Variants in TRIM5 observed in about 807,000 individuals in gnomAD.
TRIM5 encodes the protein tripartite motif containing 5.
TRIM5 carries 31 observed loss-of-function variants against 35.6 expected under a neutral mutation model. The ratio of observed to expected loss-of-function variants is 0.87; its 90% CI spans 0.65 to 1.18. TRIM5 has a LOEUF of 1.18. Ranked by LOEUF, TRIM5 falls within the 50% of genes most tolerant of loss-of-function variation. The probability of loss-of-function intolerance (pLI) is 0.00; values close to 1 mark genes in which losing one functional copy is unlikely to be tolerated. For missense variants in TRIM5, 609 were observed against 591.6 expected (o/e 1.03, Z -0.31); for synonymous variants, 243 against 215.6 (o/e 1.13, Z -1.11).
At chr11:5,610,851 G>C in the TRIM5 span, 9 of 1,614,080 alleles carry the variant, frequency 5.6e-6, no homozygotes, top group Middle Eastern at 1.6e-4. Flanking sequence ...AGTGAGGTTT[G>C]TGGGAGCTAA....
At chr11:5,654,946 T>C in the TRIM5 span, among the ~76,000 whole-genome samples, 1 of 152,120 alleles carries the variant, frequency 6.6e-6, no homozygotes, top group Non-Finnish European at 1.5e-5. Context: ...ATCCCAGCAC[T>C]TTGGAAGGCT....
At chr11:5,680,995 G>C (rs1852396103) in intron 1 of TRIM5, among the ~76,000 whole-genome samples, 1 of 152,210 alleles carries the variant, frequency 6.6e-6, no homozygotes, top group Non-Finnish European at 1.5e-5. Flanking sequence ...AGCAATTGGG[G>C]TGTGGAAGTA....
At chr11:5,679,683 T>G (rs550297313) in intron 2 of TRIM5, 78 bp downstream of exon 2, 1 of 1,439,746 alleles carries the variant, frequency 6.9e-7, no homozygotes, top group African/African-American at 1.4e-5. Flanking sequence ...GACAAGGCAG[T>G]TAATGTCAAA....
the TRIM5 span, chr11:5,610,432 T>C: frequency 1.2e-6 from 2 of 1,603,526 alleles, no homozygotes; most frequent in Non-Finnish European, 1.7e-6. Context: ...GGTGACATCC[T>C]CACAGGATTC....
the TRIM5 span, chr11:5,588,875 C>G: frequency 1.3e-5 from 2 of 151,700 alleles, no homozygotes; most frequent in African/African-American, 4.8e-5. Flanking sequence ...CCTCCACCTC[C>G]TGGGTTCAAG....
At chr11:5,660,400 TTG>T (rs1351919741), downstream of TRIM5, among the ~76,000 whole-genome samples, 2 of 152,182 alleles carry the variant, frequency 1.3e-5, no homozygotes, top group African/African-American at 4.8e-5. Flanking sequence ...CCCAATACTG[TTG>T]TCTTTTTCTA....
the TRIM5 span, chr11:5,642,432 CAA>C: frequency 6.2e-7 from 1 of 1,613,298 alleles, no homozygotes; most frequent in Non-Finnish European, 8.5e-7. Flanking sequence ...CTGAAAAAGC[CAA>C]AAATGGTTTC....
the TRIM5 span, chr11:5,590,528 T>G: frequency 6.6e-6 from 1 of 152,310 alleles, no homozygotes; most frequent in Admixed American, 6.5e-5. Flanking sequence ...AGAACCTTTG[T>G]ATGGACACAC....
the TRIM5 span, chr11:5,605,053 C>G: frequency 4.1e-6 from 2 of 492,146 alleles, no homozygotes; most frequent in Non-Finnish European, 7.4e-6. Context: ...GAGGCTGATG[C>G]AGAGGTGAGG....
At chr11:5,639,086 T>C in the TRIM5 span, among the ~76,000 whole-genome samples, 2 of 152,182 alleles carry the variant, frequency 1.3e-5, no homozygotes, top group African/African-American at 4.8e-5. Context: ...ACAAGTTGTA[T>C]GTCTAAGAAT....
At chr11:5,620,839 T>A in the TRIM5 span, among the ~76,000 whole-genome samples, 1 of 152,220 alleles carries the variant, frequency 6.6e-6, no homozygotes, top group African/African-American at 2.4e-5. Context: ...TACAGTGAGA[T>A]AGCAAGGCAA....
the TRIM5 span, among the ~76,000 whole-genome samples, chr11:5,623,623 G>A: frequency 1.4e-3 from 206 of 148,768 alleles, 1 homozygote; most frequent in African/African-American, 4.7e-3. Context: ...CTTGTGATCC[G>A]CCCGCCTCAA....
the TRIM5 span, among the ~76,000 whole-genome samples, chr11:5,606,006 T>C: frequency 6.6e-6 from 1 of 152,310 alleles, no homozygotes; most frequent in East Asian, 1.9e-4. Flanking sequence ...CCAAATTTCT[T>C]CAGACATTGC....
At chr11:5,635,996 A>G in the TRIM5 span, among the ~76,000 whole-genome samples, 3 of 152,228 alleles carry the variant, frequency 2.0e-5, no homozygotes, top group Non-Finnish European at 4.4e-5. Flanking sequence ...CAGAAATGTA[A>G]AGAGAGTTCT....
the TRIM5 span, among the ~76,000 whole-genome samples, chr11:5,653,496 G>GTTTTTTTTTTTTTTTTTTTTTTGT: frequency 7.5e-6 from 1 of 132,662 alleles, no homozygotes; most frequent in Non-Finnish European, 1.6e-5. Context: ...TGTTTTTTTT[G>GTTTTTTTTTTTTTTTTTTTTTTGT]TTTTTTTTTT....
At chr11:5,661,446 G>A (rs754048016), downstream of TRIM5, among the ~76,000 whole-genome samples, 96 of 152,054 alleles carry the variant, frequency 6.3e-4, no homozygotes, top group Non-Finnish European at 1.1e-3. Flanking sequence ...TCTGCTTGAG[G>A]CCTGCTCCCA....
downstream of TRIM5, among the ~76,000 whole-genome samples, chr11:5,662,958 G>A (rs1025025730): frequency 1.3e-5 from 2 of 152,018 alleles, no homozygotes; most frequent in African/African-American, 4.8e-5. Context: ...GTGAAACCCT[G>A]TCTCTACCAA....
chr11:5,671,415 G>A (rs1386102247), intron 4 of TRIM5, among the ~76,000 whole-genome samples: 1 of 151,496 alleles, frequency 6.6e-6, no homozygotes, highest in Non-Finnish European at 1.5e-5. Flanking sequence ...TTGCAAATAG[G>A]TTAAAAAACT....
chr11:5,638,713 A>C, the TRIM5 span, among the ~76,000 whole-genome samples: 21 of 152,210 alleles, frequency 1.4e-4, no homozygotes, highest in Non-Finnish European at 2.8e-4. Context: ...CTTATGTTTT[A>C]GATATTCTTA....
Sources: allele counts gnomAD v4.1 joint callset (sites outside exome capture counted in the v4.1 genomes callset), GRCh38; gene constraint gnomAD v4.1.1; transcripts MANE v1.5; gene names NCBI Gene and HGNC (gene_info 2026-07-23, HGNC 2026-07-21).